ANTXR2: variants seen among roughly 807,000 people sequenced by gnomAD.
ANTXR2 encodes the protein ANTXR cell adhesion molecule 2.
Under a neutral mutation model 73.7 loss-of-function variants are expected in ANTXR2, and 44 were observed. The observed-to-expected ratio is 0.60, with a 90% CI of 0.47 to 0.77. The LOEUF (loss-of-function observed/expected upper bound fraction) is 0.77, where lower values mean the gene tolerates loss of function less well. Ranked by LOEUF, ANTXR2 falls within the 30% of genes least tolerant of loss-of-function variation. The pLI is 0.00. For missense variants in ANTXR2, 604 were observed against 592.5 expected, an observed-to-expected ratio of 1.02 and a Z score of -0.20; for synonymous variants, 217 against 205.9, an observed-to-expected ratio of 1.05 and a Z score of -0.46.
At chr4:80,037,764 T>C (rs1343914996) in intron 7 of ANTXR2, among the ~76,000 whole-genome samples, 1 of 151,954 alleles carries the variant, frequency 6.6e-6, no homozygotes, top group Non-Finnish European at 1.5e-5. Flanking sequence ...CTGAAGGAAA[T>C]AGAATAGAAA....
intron 16 of ANTXR2, among the ~76,000 whole-genome samples, chr4:79,929,899 G>C (rs1325030293): frequency 2.0e-5 from 3 of 152,106 alleles, no homozygotes; most frequent in East Asian, 3.9e-4. Context: ...TACCCCAAGT[G>C]CTTCTCTAAA....
intron 7 of ANTXR2, among the ~76,000 whole-genome samples, chr4:80,041,285 A>T (rs185005523): frequency 6.6e-6 from 1 of 152,166 alleles, no homozygotes; most frequent in Admixed American, 6.5e-5. Flanking sequence ...TAATCTAACC[A>T]TTACAAAATC....
chr4:80,035,140 C>T (rs370346929), intron 8 of ANTXR2, among the ~76,000 whole-genome samples: 1 of 152,146 alleles, frequency 6.6e-6, no homozygotes, highest in South Asian at 2.1e-4. Context: ...ACAACAGCTA[C>T]TATTTTAATA....
chr4:80,022,348 AT>A (rs1413722807), intron 10 of ANTXR2, among the ~76,000 whole-genome samples: 2 of 152,236 alleles, frequency 1.3e-5, no homozygotes, highest in African/African-American at 4.8e-5. Flanking sequence ...AGTTGCAAAT[AT>A]GAAAAACACA....
At chr4:80,034,129 A>G (rs887218221) in intron 8 of ANTXR2, among the ~76,000 whole-genome samples, 1 of 152,100 alleles carries the variant, frequency 6.6e-6, no homozygotes, top group African/African-American at 2.4e-5. Context: ...TAATCAAAAG[A>G]TCACGTATTT....
chr4:80,041,951 T>C (rs1733287715), intron 7 of ANTXR2, among the ~76,000 whole-genome samples: 1 of 152,064 alleles, frequency 6.6e-6, no homozygotes, highest in Non-Finnish European at 1.5e-5. Context: ...ATCTTTGTAA[T>C]AGAATGTATG....
At chr4:79,932,241 A>G (rs770213322) in intron 16 of ANTXR2, among the ~76,000 whole-genome samples, 4 of 152,180 alleles carry the variant, frequency 2.6e-5, no homozygotes, top group Admixed American at 6.6e-5. Flanking sequence ...ACACTAATAT[A>G]CATTTGAATT....
chr4:79,927,294 C>CCACACACACA (rs112013307), intron 16 of ANTXR2, among the ~76,000 whole-genome samples: 32,707 of 150,180 alleles, frequency 0.22, 4,309 homozygotes, highest in East Asian at 0.63. Context: ...GGAGCTCTTA[C>CCACACACACA]CACACACACA....
chr4:79,903,428 C>G lies in ANTXR2; in HGVS notation c.*4001G>C, dbSNP rs1328140551. The G allele has an allele frequency of 6.6e-6, 1 of 151,924 alleles. No homozygotes were observed. Among genetic ancestry groups the G allele is most frequent in the Non-Finnish European group, 1.5e-5 (1 of 67,974 alleles). The allele number at this position is 151,924 out of a possible 1,614,324, so 9.4% of individuals were successfully genotyped here. On this transcript the variant is annotated 3_prime_UTR_variant, in exon 17 of 17. Coordinates refer to ENST00000403729, the MANE Select transcript of ANTXR2 (RefSeq NM_058172.6). Reference sequence around the variant, plus strand: ...GTTATTGTAGAGCAATCTAAACAAGCATATTTTTATACAAATTTACATGTT... The same window carrying G: ...GTTATTGTAGAGCAATCTAAACAAGGATATTTTTATACAAATTTACATGTT...
intron 16 of ANTXR2, among the ~76,000 whole-genome samples, chr4:79,922,236 T>A (rs923240674): frequency 6.6e-6 from 1 of 152,062 alleles, no homozygotes; most frequent in African/African-American, 2.4e-5. Context: ...CTTTCATTCA[T>A]AGCCACAGGG....
chr4:79,914,994 A>G (rs1019235528), intron 16 of ANTXR2, among the ~76,000 whole-genome samples: 3 of 152,214 alleles, frequency 2.0e-5, no homozygotes, highest in Non-Finnish European at 4.4e-5. Flanking sequence ...TGGTCATAAT[A>G]AAGGCTAAAC....
chr4:80,015,812 T>G (rs1578157098), intron 11 of ANTXR2, among the ~76,000 whole-genome samples: 3 of 108,844 alleles, frequency 2.8e-5, no homozygotes, highest in Non-Finnish European at 5.2e-5. Flanking sequence ...GAAGGAAGGA[T>G]GGAATGAGGG....
intron 9 of ANTXR2, 119 bp from the exon 10 acceptor site, chr4:80,031,811 C>A: frequency 2.1e-5 from 10 of 471,442 alleles, no homozygotes; most frequent in South Asian, 7.5e-5. Flanking sequence ...GATATATTAA[C>A]ATAAAAAAAC....
chr4:79,927,539 T>C lies in ANTXR2; in HGVS notation c.1429-20072A>G, dbSNP rs189408599. ...CTTTAAATAATCTCTAGATCACTTA[T>C]AGTGTCTAATACAATGTAAATGCTA... On this transcript the variant is annotated intron_variant, in intron 16 of 16. Coordinates refer to ENST00000403729, the MANE Select transcript of ANTXR2 (RefSeq NM_058172.6). Among the ~76,000 whole-genome samples the C allele has an allele frequency of 1.1e-4, 17 of 152,290 alleles. No homozygotes were observed. In the East Asian group the frequency reaches 3.3e-3, roughly 29 times the overall value.
intron 8 of ANTXR2, 119 bp downstream of exon 8, chr4:80,035,849 CAAAA>C: frequency 1.3e-6 from 1 of 775,282 alleles, no homozygotes; most frequent in South Asian, 1.8e-5. Context: ...AATTCTTACA[CAAAA>C]AAGATGCCAA....
At chr4:79,954,603 C>A (rs1053459899) in intron 16 of ANTXR2, among the ~76,000 whole-genome samples, 1 of 151,506 alleles carries the variant, frequency 6.6e-6, no homozygotes, top group African/African-American at 2.4e-5. Flanking sequence ...AGAGCAAGAC[C>A]CCAGATTTTA....
intron 12 of ANTXR2, among the ~76,000 whole-genome samples, chr4:80,002,251 T>G (rs1405812408): frequency 6.6e-6 from 1 of 151,978 alleles, no homozygotes; most frequent in Non-Finnish European, 1.5e-5. Flanking sequence ...TCAGAAATAA[T>G]GCCGCATATC....
intron 16 of ANTXR2, among the ~76,000 whole-genome samples, chr4:79,955,076 C>T (rs1578109038): frequency 6.6e-6 from 1 of 152,012 alleles, no homozygotes; most frequent in East Asian, 1.9e-4. Flanking sequence ...ACAGTTGTGA[C>T]ACAAGACAGC....
At chr4:80,005,045 T>C (rs976973482) in intron 12 of ANTXR2, among the ~76,000 whole-genome samples, 1 of 152,184 alleles carries the variant, frequency 6.6e-6, no homozygotes, top group African/African-American at 2.4e-5. Flanking sequence ...GGATAACAAG[T>C]GATTCAATCA....
Sources: allele counts gnomAD v4.1 joint callset (sites outside exome capture counted in the v4.1 genomes callset), GRCh38; gene constraint gnomAD v4.1.1; transcripts MANE v1.5; gene names NCBI Gene and HGNC (gene_info 2026-07-23, HGNC 2026-07-21).